The following IHO1 variants were observed in gnomAD, a reference collection of about 807,000 sequenced individuals.
The protein encoded by IHO1 is interactor of HORMAD1 protein 1.
In IHO1, 13 loss-of-function variants were observed where a neutral mutation model predicts 31.0. That is an observed-to-expected ratio of 0.42 (90% CI 0.27 to 0.67). IHO1 has a LOEUF of 0.67. Among genes scored for constraint, IHO1 ranks in the 30% least tolerant of loss-of-function variants. The probability of loss-of-function intolerance (pLI) is 0.24; values close to 1 mark genes in which losing one functional copy is unlikely to be tolerated. For synonymous variants in IHO1, 221 were observed against 248.4 expected (o/e 0.89, Z 1.04); for missense variants, 599 against 687.5 (o/e 0.87, Z 1.44).
chr3:49,202,916 G>T (rs1177502861), intron 1 of IHO1, among the ~76,000 whole-genome samples: 1 of 134,914 alleles, frequency 7.4e-6, no homozygotes, highest in Admixed American at 8.5e-5. Flanking sequence ...ACTGCGGACC[G>T]CAGTGGCGCA....
intron 1 of IHO1, among the ~76,000 whole-genome samples, chr3:49,210,943 G>A (rs1416962203): frequency 2.0e-5 from 3 of 146,618 alleles, no homozygotes; most frequent in African/African-American, 7.6e-5. Context: ...TGATCCACCC[G>A]CCTCGGTCTC....
intron 1 of IHO1, among the ~76,000 whole-genome samples, chr3:49,205,596 ATTT>A (rs376808702): frequency 1.4e-5 from 2 of 138,562 alleles, no homozygotes; most frequent in African/African-American, 2.7e-5. Context: ...CCTGGCCGTA[ATTT>A]TTTTTTTTTT....
Position 49,244,899 on chromosome 3 carries a change from G to A in IHO1, c.532+166G>A, listed in dbSNP as rs761286874. On this transcript the variant is annotated intron_variant, in intron 6 of 7. Coordinates refer to ENST00000452691, the MANE Select transcript of IHO1 (RefSeq NM_001135197.2). ...AAGAGATGTGGAGCACACTGAGCTG[G>A]GTAGTGAGGCCCACCTCTATGTGAC... 4.3e-6 allele frequency: 3 copies of A among 695,984 alleles called. No homozygotes were observed. The Admixed American group carries it at 6.2e-5, about 14-fold the overall frequency. The allele number at this position is 695,984 out of a possible 1,614,324, so 43.1% of individuals were successfully genotyped here. A position where few individuals can be genotyped will look rare whatever the true frequency, so the allele number is the denominator to read the frequency against.
chr3:49,191,820 A>G, the IHO1 span: 1 of 1,526,718 alleles, frequency 6.5e-7, no homozygotes, highest in Non-Finnish European at 8.8e-7. Context: ...TGTCTTTTGG[A>G]GGGTATCTTC....
chr3:49,239,501 C>G (rs1207989860), intron 3 of IHO1, among the ~76,000 whole-genome samples: 1 of 151,594 alleles, frequency 6.6e-6, no homozygotes, highest in Non-Finnish European at 1.5e-5. Flanking sequence ...AGGATGGTCT[C>G]AATCTCCTGA....
At chr3:49,237,219 G>T (rs1370281423) in intron 3 of IHO1, among the ~76,000 whole-genome samples, 2 of 151,696 alleles carry the variant, frequency 1.3e-5, no homozygotes, top group African/African-American at 2.4e-5. Flanking sequence ...GTGGTGGCAG[G>T]CGCCTGTAAT....
intron 2 of IHO1, among the ~76,000 whole-genome samples, chr3:49,221,255 G>C (rs1417102014): frequency 6.6e-6 from 1 of 151,924 alleles, no homozygotes; most frequent in Admixed American, 6.6e-5. Context: ...GTGCTGATTG[G>C]TGCGTTTACA....
At chr3:49,213,866 C>T in intron 2 of IHO1, 2 of 250,338 alleles carry the variant, frequency 8.0e-6, no homozygotes, top group Admixed American at 8.1e-5. Context: ...CTGACCTCGG[C>T]TAGCCCAGAG....
intron 3 of IHO1, 89 bp downstream of exon 3, chr3:49,236,811 A>G (rs2046565200): frequency 7.9e-7 from 1 of 1,265,956 alleles, no homozygotes. Flanking sequence ...GCCAGGTGCA[A>G]TGGCTGACAC....
At chr3:49,234,905 G>A (rs1026928091) in intron 2 of IHO1, among the ~76,000 whole-genome samples, 1 of 151,078 alleles carries the variant, frequency 6.6e-6, no homozygotes, top group African/African-American at 2.4e-5. Flanking sequence ...GGAGTGCAGT[G>A]GCACAATCTC....
At chr3:49,227,909 G>C (rs972585628) in intron 2 of IHO1, among the ~76,000 whole-genome samples, 1 of 152,150 alleles carries the variant, frequency 6.6e-6, no homozygotes, top group African/African-American at 2.4e-5. Flanking sequence ...ATTCCAGATA[G>C]TCCCCCCTAC....
chr3:49,205,223 A>T (rs942655443), intron 1 of IHO1, among the ~76,000 whole-genome samples: 1 of 152,054 alleles, frequency 6.6e-6, no homozygotes, highest in African/African-American at 2.4e-5. Flanking sequence ...TAACTTCTGG[A>T]TATTGCCATG....
intron 1 of IHO1, among the ~76,000 whole-genome samples, chr3:49,204,985 G>A (rs1332499087): frequency 6.6e-6 from 1 of 151,458 alleles, no homozygotes; most frequent in Non-Finnish European, 1.5e-5. Context: ...CCGAGATCGT[G>A]CCACTGCACT....
chr3:49,205,838 C>T (rs536243898), intron 1 of IHO1, among the ~76,000 whole-genome samples: 151 of 149,268 alleles, frequency 1.0e-3, no homozygotes, highest in Non-Finnish European at 1.9e-3. Flanking sequence ...GGCGCAATCT[C>T]GGCTCACTGC....
chr3:49,234,278 T>G (rs1407240494), intron 2 of IHO1, among the ~76,000 whole-genome samples: 1 of 151,028 alleles, frequency 6.6e-6, no homozygotes, highest in African/African-American at 2.4e-5. Flanking sequence ...GTTCAAGTGA[T>G]TCTCCTGCCT....
upstream of IHO1, chr3:49,198,552 A>T (rs576377252): frequency 6.6e-6 from 1 of 152,344 alleles, no homozygotes; most frequent in Non-Finnish European, 1.5e-5. Context: ...ACAGGGTCTC[A>T]TTCTGTCGCC....
intron 2 of IHO1, chr3:49,228,424 G>A (rs748813528): frequency 2.8e-5 from 11 of 395,958 alleles, no homozygotes; most frequent in East Asian, 8.3e-5. Flanking sequence ...TTAACTGGCC[G>A]ACAGGTGCCC....
rs1239717636 is a variant in IHO1, at chr3:49,203,191, A to G, written c.-16+3618A>G. Among the ~76,000 whole-genome samples the G allele has an allele frequency of 3.9e-5, 6 of 152,170 alleles. No homozygotes were observed. The East Asian group carries it at 1.2e-3, about 29-fold the overall frequency. ...CTAGAGGTTACAAGTTTGAATAAGTAATTTGAAGGAGATAGAGTTGTCTGT... is the reference window on the plus strand; with the variant it reads ...CTAGAGGTTACAAGTTTGAATAAGTGATTTGAAGGAGATAGAGTTGTCTGT... On this transcript the variant is annotated intron_variant, in intron 1 of 7. Transcript: ENST00000452691.
chr3:49,257,080 C>G lies in IHO1; in HGVS notation c.1583C>G (p.Ala528Gly). 1 of 1,614,160 alleles carries G rather than the reference C, an allele frequency of 6.2e-7. No individual in the cohort carries two copies. The highest frequency in any genetic ancestry group is 2.2e-5 in the East Asian group (1 of 44,886). Residue 528 changes from alanine (A) to glycine (G), a missense_variant, in exon 8 of 8, where the codon GCA (alanine) becomes GGA (glycine). Ala to Gly is a moderately conservative substitution (Grantham distance 60). Coordinates refer to ENST00000452691, the MANE Select transcript of IHO1 (RefSeq NM_001135197.2). Reference protein sequence around the residue: ...GTVMPNKTVRAVQGRLLQLSR... With the variant: ...GTVMPNKTVRGVQGRLLQLSR... ...GTCATGCCCAATAAGACAGTAAGGG[C>G]AGTGCAGGGAAGACTCTTGCAGCTC...
Sources: allele counts gnomAD v4.1 joint callset (sites outside exome capture counted in the v4.1 genomes callset), GRCh38; gene constraint gnomAD v4.1.1; transcripts MANE v1.5; gene names NCBI Gene and HGNC (gene_info 2026-07-23, HGNC 2026-07-21).